NBEA: variants seen among roughly 807,000 people sequenced by gnomAD.
NBEA encodes the protein neurobeachin, also known as lysosomal-trafficking regulator 2.
Under a neutral mutation model 343.4 loss-of-function variants are expected in NBEA, and 44 were observed. The ratio of observed to expected loss-of-function variants is 0.13; its 90% confidence interval spans 0.10 to 0.16. The LOEUF (loss-of-function observed/expected upper bound fraction) is 0.16, where lower values mean the gene tolerates loss of function less well. Among genes scored for constraint, NBEA ranks in the 10% least tolerant of loss-of-function variants. NBEA has a pLI of 1.00. For missense variants in NBEA, 2,555 were observed against 3,631.3 expected, an observed-to-expected ratio of 0.70 and a Z score of 7.62; for synonymous variants, 1,175 against 1,238.7, an observed-to-expected ratio of 0.95 and a Z score of 1.08.
intron 34 of NBEA, among the ~76,000 whole-genome samples, chr13:35,254,980 A>G (rs1372379421): frequency 6.6e-6 from 1 of 152,158 alleles, no homozygotes; most frequent in Non-Finnish European, 1.5e-5. Flanking sequence ...TGGGAATAAT[A>G]CAATAAGATT....
At position 35,208,871 on chromosome 13, in the gene NBEA, T is replaced by G; in HGVS notation, c.5521+17T>G. ...ATACAACAGGTATTGTACTTACATA[T>G]TTTTGTGATACTCATCTTTTTATGT... On this transcript the variant is annotated intron_variant, in intron 32 of 58. Transcript: ENST00000379939. 6.7e-7 allele frequency: 1 copy of G among 1,484,742 alleles called. No individual in the cohort carries two copies. The highest frequency in any genetic ancestry group is 9.1e-7 in the Non-Finnish European group (1 of 1,101,782). The allele number at this position is 1,484,742 out of a possible 1,614,324, so 92.0% of individuals were successfully genotyped here. A position where few individuals can be genotyped will look rare whatever the true frequency, so the allele number is the denominator to read the frequency against.
At chr13:35,466,076 C>T (rs975049417) in intron 40 of NBEA, among the ~76,000 whole-genome samples, 2 of 152,094 alleles carry the variant, frequency 1.3e-5, no homozygotes, top group Admixed American at 6.6e-5. Context: ...TCCATTCCTT[C>T]CATGTCTGTT....
intron 41 of NBEA, among the ~76,000 whole-genome samples, chr13:35,533,333 T>A (rs2078358841): frequency 6.6e-6 from 1 of 152,188 alleles, no homozygotes; most frequent in Admixed American, 6.5e-5. Context: ...CCTCTCAATG[T>A]CTGTGGGAGG....
chr13:35,123,682 C>T (rs185734455), intron 17 of NBEA, 108 bp downstream of exon 17: 171 of 524,152 alleles, frequency 3.3e-4, no homozygotes, highest in South Asian at 2.2e-3. Context: ...AATCTAACAG[C>T]GGAAAATAAT....
At chr13:35,238,196 G>A (rs1286099688) in intron 34 of NBEA, among the ~76,000 whole-genome samples, 1 of 152,198 alleles carries the variant, frequency 6.6e-6, no homozygotes, top group Non-Finnish European at 1.5e-5. Flanking sequence ...TGTTCTGTGA[G>A]CATTGTTTAT....
intron 36 of NBEA, among the ~76,000 whole-genome samples, chr13:35,324,061 C>G (rs2038366521): frequency 6.6e-6 from 1 of 152,096 alleles, no homozygotes; most frequent in South Asian, 2.1e-4. Context: ...AATAGAGGAG[C>G]CTAGAGTTGG....
chr13:35,656,397 T>C (rs2153082409), intron 55 of NBEA, among the ~76,000 whole-genome samples: 1 of 152,354 alleles, frequency 6.6e-6, no homozygotes, highest in African/African-American at 2.4e-5. Context: ...TACTCAAACT[T>C]TCTACATAAG....
intron 46 of NBEA, 39 bp downstream of exon 46, chr13:35,584,077 TA>T (rs1195469476): frequency 1.3e-6 from 2 of 1,569,706 alleles, no homozygotes; most frequent in East Asian, 4.5e-5. Context: ...TTTGGTACCT[TA>T]AAATTTTAAC....
At chr13:35,640,725 T>C (rs1395140970) in intron 49 of NBEA, among the ~76,000 whole-genome samples, 3 of 152,194 alleles carry the variant, frequency 2.0e-5, no homozygotes, top group African/African-American at 7.2e-5. Context: ...GGGAGCTCTA[T>C]ATACAGATAA....
chr13:35,195,593 C>T (rs1271342545), intron 30 of NBEA, among the ~76,000 whole-genome samples: 1 of 151,822 alleles, frequency 6.6e-6, no homozygotes, highest in Non-Finnish European at 1.5e-5. Flanking sequence ...GACGGGGTTT[C>T]GCCATGTTGG....
At chr13:35,181,618 A>T (rs116904632) in intron 28 of NBEA, among the ~76,000 whole-genome samples, 4,509 of 151,172 alleles carry the variant, frequency 0.03, 101 homozygotes, top group Non-Finnish European at 0.045. Context: ...TTGTCTGTTT[A>T]TTCTGCTAAC....
chr13:35,315,925 AAAAC>A (rs1594186050), intron 36 of NBEA, among the ~76,000 whole-genome samples: 1 of 152,100 alleles, frequency 6.6e-6, no homozygotes, highest in Non-Finnish European at 1.5e-5. Flanking sequence ...ATTTAAAAAT[AAAAC>A]AAACCAAAAA....
At chr13:35,500,963 T>A (rs2076865043) in intron 41 of NBEA, among the ~76,000 whole-genome samples, 1 of 152,100 alleles carries the variant, frequency 6.6e-6, no homozygotes. Flanking sequence ...GAAAATGACC[T>A]GTTTCTAAAA....
At chr13:35,104,236 A>G (rs1338823525) in intron 11 of NBEA, among the ~76,000 whole-genome samples, 1 of 151,926 alleles carries the variant, frequency 6.6e-6, no homozygotes. Context: ...ATGCCTTATC[A>G]CAGAAATATT....
chr13:35,669,496 G>A (rs2085504776), intron 58 of NBEA, among the ~76,000 whole-genome samples: 1 of 152,188 alleles, frequency 6.6e-6, no homozygotes, highest in Non-Finnish European at 1.5e-5. Context: ...AGCTAATTTA[G>A]TCTGGGAAAG....
At chr13:35,266,517 A>G (rs900320827) in intron 34 of NBEA, among the ~76,000 whole-genome samples, 3 of 151,852 alleles carry the variant, frequency 2.0e-5, no homozygotes, top group Non-Finnish European at 4.4e-5. Context: ...TAAAGAAGGA[A>G]ATATTTTCCT....
chr13:35,524,450 A>T (rs191505176), intron 41 of NBEA, among the ~76,000 whole-genome samples: 5 of 152,284 alleles, frequency 3.3e-5, no homozygotes, highest in African/African-American at 1.2e-4. Flanking sequence ...AGAGTTTTCC[A>T]TTAAGCTCCA....
At chr13:35,652,729 C>G (rs1178776608) in intron 53 of NBEA, among the ~76,000 whole-genome samples, 19 of 108,178 alleles carry the variant, frequency 1.8e-4, no homozygotes, top group Admixed American at 6.4e-4. Flanking sequence ...GAGTCTCGCT[C>G]TGTCGCCCAG....
At chr13:35,670,137 TGA>T (rs2085541618) in intron 58 of NBEA, among the ~76,000 whole-genome samples, 1 of 152,168 alleles carries the variant, frequency 6.6e-6, no homozygotes, top group African/African-American at 2.4e-5. Context: ...ATTTATTGGA[TGA>T]GGTGTCTAAT....
Sources: gnomAD v4.1 joint callset for allele counts (sites outside exome capture counted in the v4.1 genomes callset) on GRCh38, gnomAD v4.1.1 for gene constraint, MANE v1.5 for transcripts, NCBI Gene and HGNC (gene_info 2026-07-23, HGNC 2026-07-21) for gene names.